The following TANC2 variants were observed in gnomAD, a reference collection of about 807,000 sequenced individuals.
TANC2 encodes the protein tetratricopeptide repeat, ankyrin repeat and coiled-coil containing 2.
Under a neutral mutation model 210.5 loss-of-function variants are expected in TANC2, and 26 were observed. The ratio of observed to expected loss-of-function variants is 0.12; its 90% CI spans 0.09 to 0.17. TANC2 has a LOEUF of 0.17. TANC2 is among the 10% of genes least tolerant of loss of function. TANC2 has a pLI of 1.00. For synonymous variants in TANC2, 931 were observed against 967.1 expected (o/e 0.96, Z 0.69); for missense variants, 2,129 against 2,608.9 (o/e 0.82, Z 4.01).
intron 4 of TANC2, among the ~76,000 whole-genome samples, chr17:63,129,392 A>G (rs2038833916): frequency 6.6e-6 from 1 of 152,132 alleles, no homozygotes; most frequent in African/African-American, 2.4e-5. Context: ...ACATTTTCCA[A>G]GTTTCAATTT....
intron 11 of TANC2, among the ~76,000 whole-genome samples, chr17:63,321,709 C>A (rs891021695): frequency 2.0e-5 from 3 of 152,076 alleles, no homozygotes; most frequent in African/African-American, 7.2e-5. Context: ...TTTATTTAAG[C>A]CCCTTGTTTT....
chr17:63,344,789 G>A (rs184096747), intron 12 of TANC2, among the ~76,000 whole-genome samples: 1 of 152,250 alleles, frequency 6.6e-6, no homozygotes, highest in East Asian at 1.9e-4. Context: ...TTCAACCTGG[G>A]TCCCCTCCCT....
intron 11 of TANC2, among the ~76,000 whole-genome samples, chr17:63,325,512 A>G (rs796711700): frequency 2.0e-5 from 3 of 152,060 alleles, no homozygotes; most frequent in African/African-American, 7.2e-5. Context: ...TTGCCCTAGC[A>G]CCCTATGTTT....
chr17:63,398,967 C>T (rs774578503), intron 19 of TANC2, 53 bp downstream of exon 19: 25 of 1,296,828 alleles, frequency 1.9e-5, no homozygotes, highest in Non-Finnish European at 2.6e-5. Flanking sequence ...TGTGGACTCT[C>T]GAATCTCACC....
intron 1 of TANC2, among the ~76,000 whole-genome samples, chr17:62,997,093 G>C (rs1054585805): frequency 6.7e-6 from 1 of 148,468 alleles, no homozygotes; most frequent in Non-Finnish European, 1.5e-5. Context: ...GGGATTACAG[G>C]TGTGAACCAC....
chr17:63,303,490 G>A (rs2044791120), intron 9 of TANC2, among the ~76,000 whole-genome samples: 1 of 152,144 alleles, frequency 6.6e-6, no homozygotes, highest in Non-Finnish European at 1.5e-5. Flanking sequence ...GCTTCCCTTT[G>A]TAGGTGACCT....
intron 4 of TANC2, among the ~76,000 whole-genome samples, chr17:63,109,222 A>G (rs1202641051): frequency 6.6e-6 from 1 of 151,696 alleles, no homozygotes; most frequent in Non-Finnish European, 1.5e-5. Flanking sequence ...TTAAAAGGGA[A>G]AATGAATAAG....
chr17:63,412,683 G>A lies in TANC2; in HGVS notation c.3902G>A (p.Cys1301Tyr), dbSNP rs1479351904. ...TTGTTTTCTCCTTTCTTTGAAGGTT[G>A]TCAGACGTTACCGAGTCGCCCACGA... The change falls in exon 24 of 28, where the codon TGT (cysteine) becomes TAT (tyrosine). Residue 1301 changes from cysteine to tyrosine, a missense_variant. By Grantham distance (194) the Cys-to-Tyr change is radical. This residue lies in a region of TANC2 where 644 missense variants were observed against 937.5 expected (regional missense o/e 0.69). Coordinates refer to ENST00000689528, the Ensembl canonical transcript of TANC2. This position sits in a 1 kb window ranked among gnomAD's most constrained non-coding sequence, Gnocchi z 4.2. The A allele has an allele frequency of 6.5e-7, 1 of 1,526,924 alleles. No individual in the cohort carries two copies. Among genetic ancestry groups the A allele is most frequent in the Non-Finnish European group, 8.7e-7 (1 of 1,144,836 alleles). 94.6% of individuals were successfully genotyped at this position (1,526,924 alleles called of 1,614,324 possible). A position where few individuals can be genotyped will look rare whatever the true frequency, so the allele number is the denominator to read the frequency against.
chr17:63,177,890 G>T (rs1197598527), intron 5 of TANC2, among the ~76,000 whole-genome samples: 3 of 152,202 alleles, frequency 2.0e-5, no homozygotes, highest in Non-Finnish European at 4.4e-5. Context: ...ATTGTGGGAA[G>T]TATAAATAAA....
chr17:63,163,458 G>T (rs184990604), intron 5 of TANC2, among the ~76,000 whole-genome samples: 124 of 152,294 alleles, frequency 8.1e-4, no homozygotes, highest in African/African-American at 2.9e-3. Context: ...TGAGTGGTCT[G>T]ACCTGAAGTC....
exon 12 of TANC2, chr17:63,340,230 G>A (rs747276639): frequency 6.2e-7 from 1 of 1,613,892 alleles, no homozygotes; most frequent in South Asian, 1.1e-5. Context: ...GCTTCTTCGG[G>A]AACCTCACCT....
At chr17:62,977,239 A>G (rs1266657787) in intron 1 of TANC2, among the ~76,000 whole-genome samples, 3 of 152,184 alleles carry the variant, frequency 2.0e-5, no homozygotes, top group Non-Finnish European at 2.9e-5. Context: ...GCACTTTGTC[A>G]ATTTCTGCTT....
intron 4 of TANC2, among the ~76,000 whole-genome samples, chr17:63,106,992 G>A (rs1039054263): frequency 1.3e-5 from 2 of 151,554 alleles, no homozygotes; most frequent in East Asian, 1.9e-4. Context: ...ACTAGGGAAA[G>A]TTTGCGAAAG....
intron 9 of TANC2, among the ~76,000 whole-genome samples, chr17:63,297,791 T>A (rs904448362): frequency 1.3e-5 from 2 of 152,066 alleles, no homozygotes; most frequent in African/African-American, 4.8e-5. Context: ...AAATGGGAGA[T>A]AATATTTGCA....
chr17:63,322,499 A>G (rs1317738256), intron 11 of TANC2, among the ~76,000 whole-genome samples: 2 of 152,072 alleles, frequency 1.3e-5, no homozygotes, highest in East Asian at 3.9e-4. Context: ...CTACGTCTCA[A>G]AAAAAAAGAA....
At chr17:63,246,067 T>C (rs1017329708) in intron 8 of TANC2, among the ~76,000 whole-genome samples, 5 of 151,988 alleles carry the variant, frequency 3.3e-5, no homozygotes, top group Non-Finnish European at 5.9e-5. Flanking sequence ...AAGGATTTTC[T>C]CTTTTCTTTG....
chr17:63,187,854 C>T (rs903633488), intron 5 of TANC2, among the ~76,000 whole-genome samples: 3 of 152,028 alleles, frequency 2.0e-5, no homozygotes, highest in Non-Finnish European at 4.4e-5. Flanking sequence ...AGTGGGGCAG[C>T]ATCCTTTTTT....
chr17:62,993,839 G>T (rs1386919960), intron 1 of TANC2, among the ~76,000 whole-genome samples: 2 of 152,142 alleles, frequency 1.3e-5, no homozygotes, highest in Admixed American at 6.5e-5. Flanking sequence ...TGAGGCAAGA[G>T]GATTATTTGA....
At position 63,398,925 on chromosome 17, in the gene TANC2, T is replaced by C; in HGVS notation, c.3331+11T>C. ...TCTGGGGAGAGACAGGTACCTCTCATGGACGTTGCCCTCAAGAATGTGTTG... is the reference window on the plus strand; with the variant it reads ...TCTGGGGAGAGACAGGTACCTCTCACGGACGTTGCCCTCAAGAATGTGTTG... On this transcript the variant is annotated intron_variant, in intron 19 of 27. Transcript: ENST00000689528. The C allele has an allele frequency of 1.3e-6, 2 of 1,566,512 alleles. No homozygotes were observed. The highest frequency in any genetic ancestry group is 1.7e-6 in the Non-Finnish European group (2 of 1,151,988).
Sources: allele counts gnomAD v4.1 joint callset (sites outside exome capture counted in the v4.1 genomes callset), GRCh38; gene constraint gnomAD v4.1.1; regional missense constraint gnomAD v4.1.1; non-coding constraint Gnocchi (gnomAD v3.1); transcripts MANE v1.5; gene names NCBI Gene and HGNC (gene_info 2026-07-23, HGNC 2026-07-21).